Variants in KATNAL2 observed in about 807,000 individuals in gnomAD.
The protein encoded by KATNAL2 is katanin p60 ATPase-containing subunit A-like 2.
In KATNAL2, 52 loss-of-function variants were observed where a neutral mutation model predicts 76.3. That is an observed-to-expected ratio of 0.68 (90% CI 0.55 to 0.86). The LOEUF (loss-of-function observed/expected upper bound fraction) is 0.86, where lower values mean the gene tolerates loss of function less well. Among genes scored for constraint, KATNAL2 ranks in the 40% least tolerant of loss-of-function variants. The pLI is 0.00. For missense variants in KATNAL2, 660 were observed against 668.9 expected (o/e 0.99, Z 0.15); for synonymous variants, 243 against 244.2 (o/e 1.00, Z 0.05).
At chr18:47,063,588 AG>A (rs2061701402) in intron 10 of KATNAL2, among the ~76,000 whole-genome samples, 1 of 152,232 alleles carries the variant, frequency 6.6e-6, no homozygotes, top group Non-Finnish European at 1.5e-5. Flanking sequence ...ATAGAGGCCA[AG>A]AAAACCAAGA....
At chr18:47,088,059 G>T (rs1158790882) in intron 15 of KATNAL2, among the ~76,000 whole-genome samples, 1 of 152,148 alleles carries the variant, frequency 6.6e-6, no homozygotes, top group African/African-American at 2.4e-5. Flanking sequence ...AGGTCGGGGG[G>T]CAGTTCTTCG....
At chr18:47,071,681 A>T (rs977341265) in intron 13 of KATNAL2, among the ~76,000 whole-genome samples, 2 of 152,128 alleles carry the variant, frequency 1.3e-5, no homozygotes, top group African/African-American at 2.4e-5. Context: ...GGACTTACCT[A>T]GACAGAAGAG....
intron 3 of KATNAL2, among the ~76,000 whole-genome samples, chr18:47,031,940 T>A (rs953589435): frequency 1.3e-5 from 2 of 152,186 alleles, no homozygotes; most frequent in African/African-American, 2.4e-5. Context: ...TACCAGCCCG[T>A]GTGAGGCCAA....
At position 46,917,610 on chromosome 18, in the gene KATNAL2, CG is replaced by C. The variant is rs1048724206; in HGVS notation, c.-824del. 4,763 of 984,052 alleles carry C rather than the reference CG, an allele frequency of 4.8e-3. 20 individuals are homozygous for C. Among genetic ancestry groups the C allele is most frequent in the Non-Finnish European group, 5.5e-3 (4,491 of 820,332 alleles). The allele number at this position is 984,052 out of a possible 1,614,324, so 61.0% of individuals were successfully genotyped here. On this transcript the variant is annotated 5_prime_UTR_variant, in exon 1 of 18. Transcript: ENST00000683218. Reference sequence around the variant, plus strand: ...CTTCCGCCCGCGCCTTCAGTCCGCGCGGCGACAGCGCCCGCCCGCGCCTGCC... The same window carrying C: ...CTTCCGCCCGCGCCTTCAGTCCGCGCGCGACAGCGCCCGCCCGCGCCTGCC...
At chr18:47,089,937 G>C (rs2147354066) in intron 15 of KATNAL2, among the ~76,000 whole-genome samples, 1 of 152,246 alleles carries the variant, frequency 6.6e-6, no homozygotes. Context: ...TTTGAGATTA[G>C]GTTATAAGAC....
rs187103778 is a variant in KATNAL2 at position 47,057,458 on chromosome 18, T to C, written c.333-777T>C. 1.3e-4 allele frequency among the ~76,000 whole-genome samples: 20 copies of C among 152,354 alleles called. 2 individuals are homozygous for C. The East Asian group carries it at 3.8e-3, about 29-fold the overall frequency. On this transcript the variant is annotated intron_variant, in intron 6 of 17. Transcript: ENST00000683218. ...CTATGGATATATAACATATATACAG[T>C]CATACCACATATATAACTATGTATA...
rs759467857 is a variant in KATNAL2, at chr18:47,059,616, C to T, written c.511C>T (p.Arg171Cys). 1.0e-4 allele frequency: 165 copies of T among 1,613,446 alleles called. 1 individual carries two copies. Among genetic ancestry groups the T allele is most frequent in the Middle Eastern group, 1.6e-4 (1 of 6,082 alleles). The change falls in exon 8 of 18, where the codon CGT becomes TGT. Residue 171 changes from arginine (R) to cysteine (C), a missense_variant. Arg to Cys is a radical substitution (Grantham distance 180). Transcript: ENST00000683218. ...CTTCGGCCTACATATATCAAGAATC[C>T]GTAAAGACAGTGGAGAGGAAAATGC... ...ANFGLHISRI[R>C]KDSGEENAHP...
intron 1 of KATNAL2, among the ~76,000 whole-genome samples, chr18:46,920,885 A>AGGCCACATATCAAAGTACCAGTGCC (rs1276498431): frequency 2.0e-5 from 3 of 152,220 alleles, no homozygotes; most frequent in Admixed American, 2.0e-4. Flanking sequence ...CACTCACAAA[A>AGGCCACATATCAAAGTACCAGTGCC]GGCCACATAT....
chr18:47,084,137 G>A (rs538328749), intron 15 of KATNAL2, among the ~76,000 whole-genome samples: 1 of 152,134 alleles, frequency 6.6e-6, no homozygotes, highest in Non-Finnish European at 1.5e-5. Flanking sequence ...TTGTGTCATC[G>A]CCTGGTGACT....
intron 6 of KATNAL2, among the ~76,000 whole-genome samples, chr18:47,057,633 TG>T (rs1241404423): frequency 5.3e-5 from 8 of 152,198 alleles, no homozygotes; most frequent in African/African-American, 1.9e-4. Flanking sequence ...AGTAAACAAT[TG>T]TTGATGAAAA....
chr18:47,062,835 G>T, intron 8 of KATNAL2, 137 bp from the exon 9 acceptor site: 1 of 574,860 alleles, frequency 1.7e-6, no homozygotes. Context: ...ACTAGTGCTG[G>T]TTCTTTTTAA....
At chr18:47,057,448 A>T (rs1218720469) in intron 6 of KATNAL2, among the ~76,000 whole-genome samples, 3 of 152,254 alleles carry the variant, frequency 2.0e-5, no homozygotes, top group Non-Finnish European at 4.4e-5. Flanking sequence ...GATATATAAC[A>T]TATATACAGT....
At chr18:47,058,411 G>A in intron 7 of KATNAL2, 59 bp downstream of exon 7, 1 of 932,140 alleles carries the variant, frequency 1.1e-6, no homozygotes, top group African/African-American at 1.6e-5. Context: ...ATAGCCCTAT[G>A]AAAAAGGTCA....
intron 3 of KATNAL2, chr18:47,033,685 G>A (rs202004416): frequency 1.2e-6 from 2 of 1,614,180 alleles, no homozygotes; most frequent in Non-Finnish European, 8.5e-7. Flanking sequence ...GCGCAGCGTC[G>A]GCACCTGGAG....
intron 13 of KATNAL2, among the ~76,000 whole-genome samples, chr18:47,073,422 A>G (rs1335057773): frequency 6.6e-6 from 1 of 152,184 alleles, no homozygotes; most frequent in Non-Finnish European, 1.5e-5. Flanking sequence ...AACTCGTCTC[A>G]TTTCCTTTCA....
At chr18:46,948,920 T>G (rs1440996539) in intron 3 of KATNAL2, among the ~76,000 whole-genome samples, 27 of 81,640 alleles carry the variant, frequency 3.3e-4, no homozygotes, top group African/African-American at 1.2e-3. Context: ...GTGTGTGTGT[T>G]TGAGACAGGG....
chr18:46,954,326 C>CTTT (rs57075892), intron 3 of KATNAL2, among the ~76,000 whole-genome samples: 13 of 121,120 alleles, frequency 1.1e-4, no homozygotes, highest in Non-Finnish European at 1.5e-4. Context: ...TCTTCTTCGT[C>CTTT]TTTTTTTTTT....
chr18:46,956,187 T>G (rs2059741347), intron 3 of KATNAL2, among the ~76,000 whole-genome samples: 1 of 152,220 alleles, frequency 6.6e-6, no homozygotes, highest in Non-Finnish European at 1.5e-5. Flanking sequence ...GGGTATTAGA[T>G]GCTTTTGAAT....
In KATNAL2 at chr18:47,053,044, C is replaced by T; in HGVS notation, c.287C>T (p.Thr96Ile). 1 of 1,592,462 alleles carries T rather than the reference C, an allele frequency of 6.3e-7. No homozygotes were observed. The change falls in exon 5 of 18, where the codon ACA (threonine) becomes ATA (isoleucine). Residue 96 changes from threonine to isoleucine, a missense_variant and splice_region_variant. By Grantham distance (89) the Thr-to-Ile change is moderately conservative. Transcript: ENST00000683218. ...AAAATTGTCAAAAAGTCATCAGACACAGGTACATGCCTATTTTCTAGAGAT... is the reference window on the plus strand; with the variant it reads ...AAAATTGTCAAAAAGTCATCAGACATAGGTACATGCCTATTTTCTAGAGAT... ...YPKIVKKSSD[T>I]AENNLPQRSR...
Sources: allele counts gnomAD v4.1 joint callset (sites outside exome capture counted in the v4.1 genomes callset), GRCh38; gene constraint gnomAD v4.1.1; transcripts MANE v1.5; gene names NCBI Gene and HGNC (gene_info 2026-07-23, HGNC 2026-07-21).